LGR5: variants seen among roughly 807,000 people sequenced by gnomAD.
LGR5 encodes the protein leucine rich repeat containing G protein-coupled receptor 5, also known as leucine-rich repeat-containing G protein-coupled receptor 5.
Under a neutral mutation model 76.7 loss-of-function variants are expected in LGR5, and 54 were observed. The ratio of observed to expected loss-of-function variants is 0.70; its 90% CI spans 0.57 to 0.88. LGR5 has a LOEUF of 0.88. Ranked by LOEUF, LGR5 falls within the 40% of genes least tolerant of loss-of-function variation. LGR5 has a pLI of 0.00. For missense variants in LGR5, 1,078 were observed against 1,073.3 expected (o/e 1.00, Z -0.06); for synonymous variants, 406 against 421.9 (o/e 0.96, Z 0.46).
intron 1 of LGR5, among the ~76,000 whole-genome samples, chr12:71,469,423 G>T (rs1364817211): frequency 6.6e-6 from 1 of 152,246 alleles, no homozygotes; most frequent in African/African-American, 2.4e-5. Context: ...GAGTCACTGT[G>T]TGCTGGGCGG....
chr12:71,550,826 T>C (rs1179588662), intron 4 of LGR5, among the ~76,000 whole-genome samples: 1 of 152,178 alleles, frequency 6.6e-6, no homozygotes, highest in African/African-American at 2.4e-5. Context: ...AACAAAAACA[T>C]AGAAGCTCAT....
At chr12:71,564,762 A>T (rs570957847) in intron 8 of LGR5, among the ~76,000 whole-genome samples, 1 of 147,184 alleles carries the variant, frequency 6.8e-6, no homozygotes, top group South Asian at 2.1e-4. Flanking sequence ...ACATATATAC[A>T]TATATGTACA....
In LGR5 at chr12:71,580,396, A is replaced by C; in HGVS notation, c.1525A>C (p.Lys509Gln). ...DNSSMDDLHK[K>Q]DAGMFQAQDE... Reference sequence around the variant, plus strand: ...CAGCAGTATGGACGACCTTCATAAGAAAGATGCTGGAATGTTTCAGGCTCA... The same window carrying C: ...CAGCAGTATGGACGACCTTCATAAGCAAGATGCTGGAATGTTTCAGGCTCA... The change falls in exon 16 of 18, where the codon AAA becomes CAA. Residue 509 changes from lysine (K) to glutamine (Q), a missense_variant. By Grantham distance (53) the Lys-to-Gln change is moderately conservative. Coordinates refer to ENST00000266674, the MANE Select transcript of LGR5 (RefSeq NM_003667.4). The C allele has an allele frequency of 6.8e-6, 11 of 1,613,844 alleles. No homozygotes were observed. Among genetic ancestry groups the C allele is most frequent in the Non-Finnish European group, 9.3e-6 (11 of 1,179,926 alleles).
chr12:71,582,198 C>T lies in LGR5; in HGVS notation c.1553-258C>T, dbSNP rs958046225. On this transcript the variant is annotated intron_variant, in intron 16 of 17. Transcript: ENST00000266674. ...GGGACATCATGAGCTGCAGGGAACA[C>T]GAGCAGAATGAGAGTTTAGATGTTA... 56 of 392,932 alleles carry T rather than the reference C, an allele frequency of 1.4e-4. 1 individual carries two copies. Among genetic ancestry groups the T allele is most frequent in the East Asian group, 1.0e-3 (23 of 21,954 alleles). 24.3% of individuals were successfully genotyped at this position (392,932 alleles called of 1,614,324 possible).
intron 2 of LGR5, among the ~76,000 whole-genome samples, chr12:71,515,619 T>G (rs918362402): frequency 6.6e-6 from 1 of 152,170 alleles, no homozygotes; most frequent in Non-Finnish European, 1.5e-5. Context: ...TCCAGATTTT[T>G]AGAATGGAAA....
chr12:71,559,032 A>T (rs985468164), intron 6 of LGR5, among the ~76,000 whole-genome samples: 2 of 152,188 alleles, frequency 1.3e-5, no homozygotes, highest in Admixed American at 1.3e-4. Flanking sequence ...CCTTTCTGAG[A>T]TTACCCTGTC....
At chr12:71,580,466 A>G in intron 16 of LGR5, 43 bp downstream of exon 16, 1 of 1,559,592 alleles carries the variant, frequency 6.4e-7, no homozygotes, top group Non-Finnish European at 8.8e-7. Flanking sequence ...TGTTGTGTTC[A>G]GTGGAACACA....
At position 71,583,610 on chromosome 12, in the gene LGR5, A is replaced by G. The variant is rs1188392878; in HGVS notation, c.1637-37A>G. On this transcript the variant is annotated intron_variant, in intron 17 of 17. Coordinates refer to ENST00000266674, the MANE Select transcript of LGR5 (RefSeq NM_003667.4). ...AATTCAGCAAAAGTTGTAAACCCTAATTTGATACTCAATCTTTGCCTTCCT... is the reference window on the plus strand; with the variant it reads ...AATTCAGCAAAAGTTGTAAACCCTAGTTTGATACTCAATCTTTGCCTTCCT... 15 of 1,568,550 alleles carry G rather than the reference A, an allele frequency of 9.6e-6. No homozygotes were observed. In the Admixed American group the frequency reaches 2.8e-4, roughly 29 times the overall value.
rs551227588 is a variant in LGR5 at position 71,567,587 on chromosome 12, G to C, written c.1070+675G>C. ...AAAAGGACTCTTAATCTTTTGCCAT[G>C]GCTCTGCACTCACATAGAAGGCACC... On this transcript the variant is annotated intron_variant, in intron 11 of 17. Transcript: ENST00000266674. Among the ~76,000 whole-genome samples, 10 of 152,242 alleles carry C rather than the reference G, an allele frequency of 6.6e-5. No homozygotes were observed. The South Asian group carries it at 1.0e-3, about 16-fold the overall frequency.
At chr12:71,460,066 T>C (rs1437314054) in intron 1 of LGR5, among the ~76,000 whole-genome samples, 1 of 152,012 alleles carries the variant, frequency 6.6e-6, no homozygotes, top group African/African-American at 2.4e-5. Context: ...CACTTGGAGT[T>C]GAAAATACTT....
intron 6 of LGR5, 131 bp downstream of exon 6, chr12:71,556,821 G>A: frequency 1.4e-6 from 1 of 703,604 alleles, no homozygotes; most frequent in South Asian, 1.7e-5. Flanking sequence ...TATTTACAGT[G>A]GCATTATCTT....
At chr12:71,555,085 A>G (rs534741094) in intron 5 of LGR5, among the ~76,000 whole-genome samples, 20 of 152,008 alleles carry the variant, frequency 1.3e-4, no homozygotes, top group Non-Finnish European at 2.4e-4. Context: ...GTTCCCCTCA[A>G]TCTCCTTCCT....
chr12:71,514,606 C>A (rs993994310), intron 2 of LGR5, among the ~76,000 whole-genome samples: 7 of 151,908 alleles, frequency 4.6e-5, no homozygotes, highest in Admixed American at 1.3e-4. Context: ...ACCACAGGGC[C>A]CTATGCACAT....
intron 1 of LGR5, among the ~76,000 whole-genome samples, chr12:71,464,408 A>T (rs1872783547): frequency 6.6e-6 from 1 of 152,220 alleles, no homozygotes; most frequent in Non-Finnish European, 1.5e-5. Context: ...ACTACAAGTG[A>T]AATATACAAT....
At chr12:71,484,054 A>G (rs1358711614) in intron 1 of LGR5, among the ~76,000 whole-genome samples, 1 of 152,198 alleles carries the variant, frequency 6.6e-6, no homozygotes, top group African/African-American at 2.4e-5. Context: ...CTGGTCAGTT[A>G]ATCACCTGGA....
intron 1 of LGR5, among the ~76,000 whole-genome samples, chr12:71,489,499 C>T (rs1873971619): frequency 6.6e-6 from 1 of 152,128 alleles, no homozygotes; most frequent in Non-Finnish European, 1.5e-5. Flanking sequence ...TTATAGAGTT[C>T]ATACAGATTG....
intron 2 of LGR5, 25 bp from the exon 3 acceptor site, chr12:71,524,381 C>G: frequency 6.3e-7 from 1 of 1,576,420 alleles, no homozygotes; most frequent in Non-Finnish European, 8.7e-7. Flanking sequence ...TGCTCACTCT[C>G]TCTCCTCTCC....
intron 2 of LGR5, among the ~76,000 whole-genome samples, chr12:71,522,073 C>G (rs67740666): frequency 0.092 from 14,038 of 152,082 alleles, 701 homozygotes; most frequent in Non-Finnish European, 0.11. Context: ...GAACAAAGGG[C>G]TAGAGGGGGG....
intron 4 of LGR5, among the ~76,000 whole-genome samples, chr12:71,549,531 A>G (rs2137402015): frequency 6.6e-6 from 1 of 152,350 alleles, no homozygotes; most frequent in South Asian, 2.1e-4. Flanking sequence ...ATGTATACAT[A>G]TATCAAAACA....
Sources: allele counts gnomAD v4.1 joint callset (sites outside exome capture counted in the v4.1 genomes callset), GRCh38; gene constraint gnomAD v4.1.1; transcripts MANE v1.5; gene names NCBI Gene and HGNC (gene_info 2026-07-23, HGNC 2026-07-21).